Variants in NUP133 observed in about 807,000 individuals in gnomAD.
NUP133 encodes nucleoporin 133, also known as nuclear pore complex protein Nup133.
In NUP133, 66 loss-of-function variants were observed where a neutral mutation model predicts 146.2. The observed-to-expected ratio is 0.45, with a 90% confidence interval of 0.37 to 0.55. The LOEUF (loss-of-function observed/expected upper bound fraction) is 0.55, where lower values mean the gene tolerates loss of function less well. Among genes scored for constraint, NUP133 ranks in the 20% least tolerant of loss-of-function variants. The pLI is 0.00. For synonymous variants in NUP133, 521 were observed against 498.8 expected (o/e 1.04, Z -0.59); for missense variants, 1,277 against 1,374.8 (o/e 0.93, Z 1.12).
chr1:229,477,266 C>T (rs1470812828), intron 13 of NUP133, among the ~76,000 whole-genome samples: 3 of 151,788 alleles, frequency 2.0e-5, no homozygotes, highest in Admixed American at 6.6e-5. Context: ...AGTGAAACCC[C>T]GTCTCTACCA....
chr1:229,484,910 G>C (rs1336121924), intron 11 of NUP133, among the ~76,000 whole-genome samples: 1 of 151,446 alleles, frequency 6.6e-6, no homozygotes, highest in Non-Finnish European at 1.5e-5. Flanking sequence ...TTTGTGAAAA[G>C]AAAAAAAAGT....
intron 3 of NUP133, among the ~76,000 whole-genome samples, chr1:229,501,213 T>C (rs1661790049): frequency 6.6e-6 from 1 of 152,196 alleles, no homozygotes; most frequent in South Asian, 2.1e-4. Flanking sequence ...GATTTGTTCA[T>C]CTGACATTTA....
At position 229,508,188 on chromosome 1, in the gene NUP133, G is replaced by T; in HGVS notation, c.62C>A (p.Ala21Asp). The T allele has an allele frequency of 6.3e-7, 1 of 1,579,680 alleles. No individual in the cohort carries two copies. Among genetic ancestry groups the T allele is most frequent in the South Asian group, 1.1e-5 (1 of 87,496 alleles). Residue 21 changes from alanine (A) to aspartate (D), a missense_variant, in exon 1 of 26, where the codon GCC becomes GAC. Transcript: ENST00000261396. ...PGTGSRRGPLAGLGPGSTPRT... is the reference protein window; with the variant it reads ...PGTGSRRGPLDGLGPGSTPRT... ...GGGCGTGGAGCCGGGCCCGAGTCCG[G>T]CCAGCGGGCCCCTTCGGGACCCGGT...
At chr1:229,451,450 T>C (rs1413837241) in intron 22 of NUP133, among the ~76,000 whole-genome samples, 1 of 152,138 alleles carries the variant, frequency 6.6e-6, no homozygotes, top group Admixed American at 6.5e-5. Flanking sequence ...TTGATCTATA[T>C]TCACTTAATA....
intron 24 of NUP133, among the ~76,000 whole-genome samples, chr1:229,447,089 A>G (rs920055747): frequency 8.5e-5 from 13 of 152,278 alleles, no homozygotes; most frequent in Admixed American, 2.0e-4. Context: ...GTGCCATTGC[A>G]CTCCAGCCTG....
chr1:229,460,550 A>G (rs1286186484), intron 20 of NUP133, 61 bp downstream of exon 20: 1 of 1,511,012 alleles, frequency 6.6e-7, no homozygotes, highest in East Asian at 2.3e-5. Context: ...CTAAAAACAA[A>G]ACTAATTAAA....
intron 15 of NUP133, among the ~76,000 whole-genome samples, chr1:229,469,091 A>G (rs899917284): frequency 2.6e-5 from 4 of 152,210 alleles, no homozygotes; most frequent in African/African-American, 9.6e-5. Flanking sequence ...AGGCTATAGG[A>G]GGAAGGAAGC....
chr1:229,458,227 C>A lies in NUP133; in HGVS notation c.2914G>T (p.Gly972Cys). Residue 972 changes from glycine (G) to cysteine (C), a missense_variant, in exon 21 of 26, where the codon GGC becomes TGC. Coordinates refer to ENST00000261396, the MANE Select transcript of NUP133 (RefSeq NM_018230.3). ...GCTAATGCAGCCAATTTACTCAAGC[C>A]AAGAAGGGTTTTCTTCTTTGCAAAG... is the stretch of plus-strand genomic sequence containing the variant. ...RYFAKKKTLL[G>C]LSKLAALASD... 6.2e-7 allele frequency: 1 copy of A among 1,613,588 alleles called. No individual in the cohort carries two copies. Among genetic ancestry groups the A allele is most frequent in the South Asian group, 1.1e-5 (1 of 91,048 alleles).
chr1:229,440,869 TG>T lies in NUP133; in HGVS notation c.*1034del, dbSNP rs1660168595. 1 of 152,872 alleles carries T rather than the reference TG, an allele frequency of 6.5e-6. No homozygotes were observed. The highest frequency in any genetic ancestry group is 6.5e-5 in the Admixed American group (1 of 15,354). The allele number at this position is 152,872 out of a possible 1,614,324, so 9.5% of individuals were successfully genotyped here. A position where few individuals can be genotyped will look rare whatever the true frequency, so the allele number is the denominator to read the frequency against. On this transcript the variant is annotated 3_prime_UTR_variant, in exon 26 of 26. Coordinates refer to ENST00000261396, the MANE Select transcript of NUP133 (RefSeq NM_018230.3). ...GCCTGCGGGGGAGACGGCCTGATGC[TG>T]GGCTCTGTGAATCCAGGAACCGGAC...
chr1:229,472,102 G>A (rs113242252), intron 14 of NUP133, among the ~76,000 whole-genome samples: 4,508 of 149,200 alleles, frequency 0.03, 219 homozygotes, highest in African/African-American at 0.1. Flanking sequence ...GGCGGATCAC[G>A]AGTTCAGGAG....
chr1:229,467,824 C>G (rs2102760349), intron 15 of NUP133, among the ~76,000 whole-genome samples: 1 of 151,224 alleles, frequency 6.6e-6, no homozygotes, highest in East Asian at 1.9e-4. Context: ...ACTTGGGAGG[C>G]TGAGGCAGGA....
At position 229,440,753 on chromosome 1, in the gene NUP133, GA is replaced by G. The variant is rs1289888221; in HGVS notation, c.*1150del. 1 of 152,416 alleles carries G rather than the reference GA, an allele frequency of 6.6e-6. No individual in the cohort carries two copies. The highest frequency in any genetic ancestry group is 1.5e-5 in the Non-Finnish European group (1 of 68,180). The allele number at this position is 152,416 out of a possible 1,614,324, so 9.4% of individuals were successfully genotyped here. ...TGTCCTAACATACAAGCTGCAAAGA[GA>G]AAAAGAACAGGCTGCTAATTTCTTC... On this transcript the variant is annotated 3_prime_UTR_variant, in exon 26 of 26. Transcript: ENST00000261396.
intron 15 of NUP133, among the ~76,000 whole-genome samples, chr1:229,469,858 T>G (rs1660914043): frequency 6.6e-6 from 1 of 152,216 alleles, no homozygotes; most frequent in African/African-American, 2.4e-5. Flanking sequence ...AAACCAGGTC[T>G]CTACTAAAAA....
intron 20 of NUP133, 124 bp from the exon 21 acceptor site, chr1:229,458,420 T>A (rs1161902886): frequency 3.5e-6 from 3 of 857,724 alleles, no homozygotes; most frequent in South Asian, 2.0e-5. Context: ...AGTCAACAGT[T>A]AGCAAACCTA....
chr1:229,487,146 T>TAA (rs1453957249), intron 10 of NUP133, among the ~76,000 whole-genome samples: 6 of 152,106 alleles, frequency 3.9e-5, no homozygotes, highest in Non-Finnish European at 8.8e-5. Context: ...GTGGAAAAGT[T>TAA]AAAGCATCAA....
chr1:229,451,442 G>C (rs544196931), intron 22 of NUP133, among the ~76,000 whole-genome samples: 22 of 152,126 alleles, frequency 1.4e-4, no homozygotes, highest in Non-Finnish European at 2.9e-4. Flanking sequence ...GTGTACAGTT[G>C]ATCTATATTC....
rs183525981 is a variant in NUP133 at position 229,476,961 on chromosome 1, G to C, written c.1756+636C>G. Among the ~76,000 whole-genome samples the C allele has an allele frequency of 2.3e-3, 341 of 150,844 alleles. 2 individuals carry two copies. Among genetic ancestry groups the C allele is most frequent in the Middle Eastern group, 0.01 (3 of 290 alleles). The stretch of plus-strand genomic sequence containing the variant: ...AAAAACAAAAAAAAAAACTGGGATT[G>C]GGGGGCAGGTAAGTGCCAACTGTCT... On this transcript the variant is annotated intron_variant, in intron 13 of 25. Transcript: ENST00000261396.
intron 15 of NUP133, among the ~76,000 whole-genome samples, chr1:229,469,223 A>G (rs1411392115): frequency 6.6e-6 from 1 of 152,340 alleles, no homozygotes; most frequent in East Asian, 1.9e-4. Flanking sequence ...AGTCTCAGTT[A>G]AGACAACAGG....
chr1:229,473,006 C>T (rs1441250432), intron 14 of NUP133, among the ~76,000 whole-genome samples: 1 of 152,006 alleles, frequency 6.6e-6, no homozygotes, highest in Non-Finnish European at 1.5e-5. Context: ...AATCCCAGCA[C>T]TTTGGGAAGC....
Sources: allele counts gnomAD v4.1 joint callset (sites outside exome capture counted in the v4.1 genomes callset), GRCh38; gene constraint gnomAD v4.1.1; transcripts MANE v1.5; gene names NCBI Gene and HGNC (gene_info 2026-07-23, HGNC 2026-07-21).